Variants in KDM4C observed in about 807,000 individuals in gnomAD.
The protein encoded by KDM4C is lysine-specific demethylase 4C.
KDM4C carries 81 observed loss-of-function variants against 129.3 expected under a neutral mutation model. That is an observed-to-expected ratio of 0.63 (90% CI 0.52 to 0.75). The LOEUF (loss-of-function observed/expected upper bound fraction) is 0.75. Ranked by LOEUF, KDM4C falls within the 30% of genes least tolerant of loss-of-function variation. The probability of loss-of-function intolerance (pLI) is 0.00; values close to 1 mark genes in which losing one functional copy is unlikely to be tolerated. For missense variants in KDM4C, 1,457 were observed against 1,304.0 expected (o/e 1.12, Z -1.81); for synonymous variants, 573 against 456.1 (o/e 1.26, Z -3.26).
chr9:7,074,286 C>T (rs1833609766), intron 17 of KDM4C, among the ~76,000 whole-genome samples: 1 of 152,070 alleles, frequency 6.6e-6, no homozygotes, highest in Non-Finnish European at 1.5e-5. Flanking sequence ...GCCTCAGCTT[C>T]CCAGGTAGCT....
At chr9:6,977,606 T>G (rs2131773759) in intron 8 of KDM4C, among the ~76,000 whole-genome samples, 1 of 152,280 alleles carries the variant, frequency 6.6e-6, no homozygotes, top group Middle Eastern at 3.4e-3. Flanking sequence ...GCATCCTACC[T>G]TGGACACCTG....
intron 15 of KDM4C, among the ~76,000 whole-genome samples, chr9:7,034,032 G>GT (rs1827220566): frequency 6.6e-6 from 1 of 151,932 alleles, no homozygotes; most frequent in Non-Finnish European, 1.5e-5. Context: ...GGTGGTGGTG[G>GT]TGGGGCATCA....
At chr9:6,976,799 G>A (rs1010886461) in intron 8 of KDM4C, among the ~76,000 whole-genome samples, 2 of 130,928 alleles carry the variant, frequency 1.5e-5, no homozygotes, top group Non-Finnish European at 3.2e-5. Context: ...TAAGGAAATA[G>A]CAATAAATAT....
At chr9:7,137,416 C>T (rs780720462) in intron 19 of KDM4C, among the ~76,000 whole-genome samples, 13 of 152,192 alleles carry the variant, frequency 8.5e-5, no homozygotes, top group Non-Finnish European at 1.8e-4. Context: ...CACTTCACAT[C>T]GTAATATCAG....
intron 8 of KDM4C, chr9:6,974,831 C>A (rs1344809086): frequency 6.6e-6 from 1 of 152,136 alleles, no homozygotes; most frequent in Non-Finnish European, 1.5e-5. Context: ...TTTATCTACC[C>A]CCGAATACTA....
intron 1 of KDM4C, among the ~76,000 whole-genome samples, chr9:6,779,493 A>G (rs1035131956): frequency 1.3e-5 from 2 of 152,178 alleles, no homozygotes; most frequent in South Asian, 2.1e-4. Context: ...TGTGTTCGTG[A>G]AACAAACAGG....
intron 1 of KDM4C, among the ~76,000 whole-genome samples, chr9:6,782,865 C>T (rs60685946): frequency 0.015 from 2,330 of 152,236 alleles, 67 homozygotes; most frequent in African/African-American, 0.053. Context: ...AGCAAAGACT[C>T]TTGGGGTGGT....
chr9:6,812,085 G>A (rs767159025), intron 3 of KDM4C, among the ~76,000 whole-genome samples: 29 of 152,010 alleles, frequency 1.9e-4, no homozygotes, highest in East Asian at 5.8e-4. Flanking sequence ...AGAGTTATGA[G>A]TTTTAAAAAA....
intron 17 of KDM4C, among the ~76,000 whole-genome samples, chr9:7,101,676 G>A (rs1019620075): frequency 1.1e-4 from 17 of 152,120 alleles, no homozygotes; most frequent in East Asian, 1.9e-4. Context: ...GTCTTCTTAC[G>A]CCTTTTTAGT....
intron 5 of KDM4C, among the ~76,000 whole-genome samples, chr9:6,877,208 A>G (rs905248692): frequency 6.6e-6 from 1 of 152,108 alleles, no homozygotes; most frequent in Non-Finnish European, 1.5e-5. Flanking sequence ...GTGCTAAGCA[A>G]GATTTTTTTT....
At chr9:7,016,894 G>A (rs1431238041) in intron 15 of KDM4C, among the ~76,000 whole-genome samples, 2 of 152,178 alleles carry the variant, frequency 1.3e-5, no homozygotes, top group East Asian at 3.9e-4. Flanking sequence ...TCAAGGTGGG[G>A]GATCCTCAGT....
intron 17 of KDM4C, among the ~76,000 whole-genome samples, chr9:7,051,165 A>G (rs1001099760): frequency 6.6e-5 from 10 of 152,324 alleles, no homozygotes; most frequent in Non-Finnish European, 1.5e-4. Flanking sequence ...AAAGTTTCTT[A>G]GAATGATCCT....
chr9:6,969,177 C>T (rs957215086), intron 8 of KDM4C, among the ~76,000 whole-genome samples: 2 of 152,226 alleles, frequency 1.3e-5, no homozygotes, highest in Admixed American at 6.5e-5. Flanking sequence ...CTCAAGTGAT[C>T]TGCCTGCGTC....
At chr9:7,003,086 G>A (rs951667389) in intron 12 of KDM4C, among the ~76,000 whole-genome samples, 12 of 152,152 alleles carry the variant, frequency 7.9e-5, no homozygotes, top group African/African-American at 2.7e-4. Context: ...GGCTGGTCTC[G>A]AACTCCTGAC....
chr9:7,165,268 G>A lies in KDM4C; in HGVS notation c.2812G>A (p.Ala938Thr), dbSNP rs781090419. The A allele has an allele frequency of 2.5e-6, 4 of 1,614,166 alleles. No individual in the cohort carries two copies. Among genetic ancestry groups the A allele is most frequent in the Non-Finnish European group, 3.4e-6 (4 of 1,180,004 alleles). ...SRDCLKLGPPAEGEVVQVKWP... is the reference protein window; with the variant it reads ...SRDCLKLGPPTEGEVVQVKWP... ...AGACTGTCTGAAGCTGGGCCCACCT[G>A]CTGAGGGAGAAGTCGTCCAAGTCAA... Residue 938 changes from alanine (A) to threonine (T), a missense_variant, in exon 20 of 22, where the codon GCT becomes ACT. By Grantham distance (58) the Ala-to-Thr change is moderately conservative. Coordinates refer to ENST00000381309, the MANE Select transcript of KDM4C (RefSeq NM_015061.6).
chr9:7,010,680 T>C (rs1370378139), intron 12 of KDM4C, among the ~76,000 whole-genome samples: 1 of 152,210 alleles, frequency 6.6e-6, no homozygotes, highest in Non-Finnish European at 1.5e-5. Context: ...TTTTCTAACA[T>C]GTTTGTCTTT....
At chr9:7,074,696 C>T (rs1833679915) in intron 17 of KDM4C, among the ~76,000 whole-genome samples, 1 of 152,088 alleles carries the variant, frequency 6.6e-6, no homozygotes, top group Non-Finnish European at 1.5e-5. Flanking sequence ...ATACTATTTG[C>T]AGTTTTCATT....
At chr9:7,092,612 G>C (rs1564106840) in intron 17 of KDM4C, among the ~76,000 whole-genome samples, 1 of 152,174 alleles carries the variant, frequency 6.6e-6, no homozygotes, top group Non-Finnish European at 1.5e-5. Context: ...TTACTGCCGT[G>C]AAGCTTGCTG....
intron 18 of KDM4C, among the ~76,000 whole-genome samples, chr9:7,113,750 A>G (rs375435040): frequency 1.3e-3 from 200 of 152,338 alleles, no homozygotes; most frequent in African/African-American, 4.5e-3. Context: ...ATGAGCTCCT[A>G]TTATGTTGAT....
Sources: allele counts gnomAD v4.1 joint callset (sites outside exome capture counted in the v4.1 genomes callset), GRCh38; gene constraint gnomAD v4.1.1; transcripts MANE v1.5; gene names NCBI Gene and HGNC (gene_info 2026-07-23, HGNC 2026-07-21).